Variants in ALDH3B1 observed in about 807,000 individuals in gnomAD.
The protein encoded by ALDH3B1 is aldehyde dehydrogenase family 3 member B1.
In ALDH3B1, 37 loss-of-function variants were observed where a neutral mutation model predicts 46.2. That is an observed-to-expected ratio of 0.80 (90% confidence interval 0.62 to 1.05). The LOEUF (loss-of-function observed/expected upper bound fraction) is 1.05, where lower values mean the gene tolerates loss of function less well. Ranked by LOEUF, ALDH3B1 falls within the 50% of genes least tolerant of loss-of-function variation. ALDH3B1 has a pLI of 0.00. For missense variants in ALDH3B1, 603 were observed against 665.5 expected, an observed-to-expected ratio of 0.91 and a Z score of 1.03; for synonymous variants, 283 against 281.0, an observed-to-expected ratio of 1.01 and a Z score of -0.07.
intron 8 of ALDH3B1, 95 bp downstream of exon 8, chr11:68,022,856 G>A: frequency 1.3e-6 from 2 of 1,543,168 alleles, no homozygotes; most frequent in Non-Finnish European, 1.8e-6. Flanking sequence ...GTGGCTTCAG[G>A]ACTTTGGGAT....
chr11:68,015,198 G>A, intron 1 of ALDH3B1, 99 bp from the exon 2 acceptor site: 1 of 1,293,970 alleles, frequency 7.7e-7, no homozygotes, highest in Non-Finnish European at 1.0e-6. Flanking sequence ...CCCTGTGGGT[G>A]CAGGCAGGTC....
At chr11:68,022,376 C>T (rs1354090492) in intron 7 of ALDH3B1, among the ~76,000 whole-genome samples, 1 of 152,202 alleles carries the variant, frequency 6.6e-6, no homozygotes, top group Admixed American at 6.5e-5. Context: ...TCTCTGTGTC[C>T]CACAGGCCCT....
At chr11:68,021,383 G>C in intron 6 of ALDH3B1, 102 bp from the exon 7 acceptor site, 1 of 1,503,458 alleles carries the variant, frequency 6.7e-7, no homozygotes, top group Non-Finnish European at 8.9e-7. Context: ...GCTGCTGCCC[G>C]CTGACTCCAC....
At chr11:68,013,108 C>T (rs557623689) in intron 1 of ALDH3B1, among the ~76,000 whole-genome samples, 3 of 152,242 alleles carry the variant, frequency 2.0e-5, no homozygotes, top group African/African-American at 7.2e-5. Flanking sequence ...CCAGCACCCT[C>T]GGGAGATAAC....
At chr11:68,027,722 C>T in intron 9 of ALDH3B1, 27 bp from the exon 10 acceptor site, 2 of 1,550,362 alleles carry the variant, frequency 1.3e-6, no homozygotes, top group Admixed American at 3.9e-5. Context: ...CAGCGCCTGA[C>T]CACCTGTGTT....
Position 68,021,419 on chromosome 11 carries a change from G to A in ALDH3B1, c.563-66G>A, listed in dbSNP as rs1048923045. 56 of 1,555,014 alleles carry A rather than the reference G, an allele frequency of 3.6e-5. No individual in the cohort carries two copies. In the East Asian group the frequency reaches 6.1e-4, roughly 17 times the overall value. ...CACCTCTCCAGGGAGGAGCGGGGCC[G>A]TGGGCTGGGCCATCCCGCCTGGTCC... On this transcript the variant is annotated intron_variant, in intron 6 of 9. Transcript: ENST00000342456.
intron 2 of ALDH3B1, chr11:68,015,724 C>G (rs1296154788): frequency 1.6e-6 from 1 of 644,142 alleles, no homozygotes; most frequent in Non-Finnish European, 2.9e-6. Flanking sequence ...AGTTCCCATG[C>G]CTACGAAGAT....
At chr11:68,016,991 C>T (rs938745684) in intron 2 of ALDH3B1, 1 of 152,420 alleles carries the variant, frequency 6.6e-6, no homozygotes, top group Non-Finnish European at 1.5e-5. Flanking sequence ...TGTCCCCACC[C>T]TCAGCAGGCA....
intron 7 of ALDH3B1, among the ~76,000 whole-genome samples, 153 bp downstream of exon 7, chr11:68,022,024 G>A (rs1261729663): frequency 2.0e-5 from 3 of 152,154 alleles, no homozygotes; most frequent in South Asian, 2.1e-4. Context: ...CCATGATTCC[G>A]TCTCTGTGCT....
In ALDH3B1 at chr11:68,018,821, G is replaced by A. The variant is rs574684933; in HGVS notation, c.322G>A (p.Val108Ile). 4.3e-5 allele frequency: 68 copies of A among 1,564,884 alleles called. No homozygotes were observed. In the South Asian group the frequency reaches 7.8e-4, roughly 18 times the overall value. The change falls in exon 4 of 10, where the codon GTC becomes ATC. Residue 108 changes from valine (V) to isoleucine (I), a missense_variant. Coordinates refer to ENST00000342456, the MANE Select transcript of ALDH3B1 (RefSeq NM_000694.4). The part of the protein sequence containing the change: ...AFIRKEPFGL[V>I]LIIAPWNYPL... ...CATCCGGAAGGAGCCCTTTGGCCTG[G>A]TCCTCATCATTGCGCCCTGGAACTA...
At chr11:68,010,425 G>A (rs1461159690) in intron 1 of ALDH3B1, 33 bp downstream of exon 1, 6 of 152,596 alleles carry the variant, frequency 3.9e-5, no homozygotes, top group African/African-American at 4.8e-5. Flanking sequence ...GGGCTGTAGT[G>A]GGCCAGCAGT....
Position 68,018,786 on chromosome 11 carries a change from A to T in ALDH3B1, c.287A>T (p.Asp96Val). The change falls in exon 4 of 10, where the codon GAC becomes GTC. Residue 96 changes from aspartate (D) to valine (V), a missense_variant. Asp to Val is a radical substitution (Grantham distance 152). Coordinates refer to ENST00000342456, the MANE Select transcript of ALDH3B1 (RefSeq NM_000694.4). ...CTCCCGGCCCAGGCCACGCAGCTGG[A>T]CTCCGCCTTCATCCGGAAGGAGCCC... is the stretch of plus-strand genomic sequence containing the variant. Reference protein sequence around the residue: ...RVPKNLATQLDSAFIRKEPFG... With the variant: ...RVPKNLATQLVSAFIRKEPFG... 6.4e-7 allele frequency: 1 copy of T among 1,554,848 alleles called. No individual in the cohort carries two copies. Among genetic ancestry groups the T allele is most frequent in the Non-Finnish European group, 8.7e-7 (1 of 1,149,268 alleles).
At chr11:68,015,577 C>A in intron 2 of ALDH3B1, 118 bp downstream of exon 2, 1 of 1,376,114 alleles carries the variant, frequency 7.3e-7, no homozygotes, top group Non-Finnish European at 1.0e-6. Flanking sequence ...AAAAGCAGCT[C>A]CTCCCCTAGG....
intron 1 of ALDH3B1, among the ~76,000 whole-genome samples, chr11:68,010,605 G>A (rs149311804): frequency 0.011 from 1,670 of 152,262 alleles, 11 homozygotes; most frequent in Non-Finnish European, 0.016. Context: ...GCGAGGTCCC[G>A]GGCACCCCCC....
rs1414641113 is a variant in ALDH3B1 at position 68,027,729 on chromosome 11, T to C, written c.1217-20T>C. ...GAGACCCCCAGCGCCTGACCACCTG[T>C]GTTCTGTGCCACTGTACAGGTGCCA... On this transcript the variant is annotated intron_variant, in intron 9 of 9. Transcript: ENST00000342456. 1 of 1,551,928 alleles carries C rather than the reference T, an allele frequency of 6.4e-7. No individual in the cohort carries two copies. Among genetic ancestry groups the C allele is most frequent in the Admixed American group, 2.0e-5 (1 of 50,966 alleles).
Position 68,021,827 on chromosome 11 carries a change from G to A in ALDH3B1, c.905G>A (p.Arg302His), listed in dbSNP as rs769230507. 21 of 1,613,646 alleles carry A rather than the reference G, an allele frequency of 1.3e-5. No individual in the cohort carries two copies. The South Asian group carries it at 1.5e-4, about 12-fold the overall frequency. ...QRLRALLGCGRVAIGGQSDES... is the reference protein window; with the variant it reads ...QRLRALLGCGHVAIGGQSDES... Reference sequence around the variant, plus strand: ...CTGCGGGCATTGCTGGGCTGCGGCCGTGTGGCCATTGGGGGCCAGAGCGAT... The same window carrying A: ...CTGCGGGCATTGCTGGGCTGCGGCCATGTGGCCATTGGGGGCCAGAGCGAT... Residue 302 changes from arginine to histidine, a missense_variant, in exon 7 of 10, where the codon CGT (arginine) becomes CAT (histidine). Coordinates refer to ENST00000342456, the MANE Select transcript of ALDH3B1 (RefSeq NM_000694.4).
rs918394185 is a variant in ALDH3B1 at position 68,019,375 on chromosome 11, G to C, written c.480+120G>C. On this transcript the variant is annotated intron_variant, in intron 5 of 9. Coordinates refer to ENST00000342456, the MANE Select transcript of ALDH3B1 (RefSeq NM_000694.4). The stretch of plus-strand genomic sequence containing the variant: ...TCCCCACCTCAATCCTGCCTCTTCT[G>C]AGTTGTGTAAACTTGACCAAGTCAC... 3.4e-6 allele frequency: 3 copies of C among 893,736 alleles called. No individual in the cohort carries two copies. In the African/African-American group the frequency reaches 4.9e-5, roughly 15 times the overall value. 55.4% of individuals were successfully genotyped at this position (893,736 alleles called of 1,614,324 possible).
At chr11:68,026,949 A>G (rs1009697371) in intron 9 of ALDH3B1, among the ~76,000 whole-genome samples, 5 of 151,272 alleles carry the variant, frequency 3.3e-5, no homozygotes, top group Non-Finnish European at 1.5e-5. Context: ...AGCCTCCTCA[A>G]CCCGCCTCCC....
At chr11:68,018,179 TACATGTGCAC>T (rs1857391675) in intron 2 of ALDH3B1, 1 of 286,662 alleles carries the variant, frequency 3.5e-6, no homozygotes, top group Non-Finnish European at 6.7e-6. Flanking sequence ...TGTGGATGTA[TACATGTGCAC>T]ACCTGTGCAC....
Sources: gnomAD v4.1 joint callset for allele counts (sites outside exome capture counted in the v4.1 genomes callset) on GRCh38, gnomAD v4.1.1 for gene constraint, MANE v1.5 for transcripts, NCBI Gene and HGNC (gene_info 2026-07-23, HGNC 2026-07-21) for gene names.